Variants in PCDHA2 observed in about 807,000 individuals in gnomAD.
The protein encoded by PCDHA2 is protocadherin alpha 2, also known as protocadherin alpha-2.
PCDHA2 carries 58 observed loss-of-function variants against 66.0 expected under a neutral mutation model. The ratio of observed to expected loss-of-function variants is 0.88; its 90% CI spans 0.71 to 1.09. The LOEUF is 1.09. PCDHA2 is among the 50% of genes least tolerant of loss of function. PCDHA2 has a pLI of 0.00. For missense variants in PCDHA2, 1,267 were observed against 1,242.3 expected (o/e 1.02, Z -0.30); for synonymous variants, 634 against 554.0 (o/e 1.14, Z -2.03).
intron 1 of PCDHA2, chr5:140,805,621 ATGTAT>A: frequency 1.1e-6 from 1 of 916,950 alleles, no homozygotes; most frequent in East Asian, 1.2e-4. Flanking sequence ...ATGTAAGAAA[ATGTAT>A]TGTGGTTTAT....
At chr5:141,004,391 G>A (rs62384511) in intron 3 of PCDHA2, among the ~76,000 whole-genome samples, 4 of 152,342 alleles carry the variant, frequency 2.6e-5, no homozygotes, top group East Asian at 3.9e-4. Flanking sequence ...AGCTGGACAT[G>A]TGGAGGAGGC....
At chr5:140,946,976 G>A (rs2094064804) in intron 1 of PCDHA2, among the ~76,000 whole-genome samples, 1 of 151,532 alleles carries the variant, frequency 6.6e-6, no homozygotes, top group Admixed American at 6.6e-5. Context: ...ATAGAATAGA[G>A]GATTTTGAGT....
At chr5:140,856,365 A>G in intron 1 of PCDHA2, 1 of 1,598,426 alleles carries the variant, frequency 6.3e-7, no homozygotes, top group Non-Finnish European at 8.6e-7. Flanking sequence ...ATCCACCTGG[A>G]GGTGATCGTG....
At chr5:140,925,523 A>G (rs2082536331) in intron 1 of PCDHA2, among the ~76,000 whole-genome samples, 1 of 152,138 alleles carries the variant, frequency 6.6e-6, no homozygotes, top group African/African-American at 2.4e-5. Flanking sequence ...ACCAAATTAA[A>G]AGCGAGGAGA....
Position 140,857,332 on chromosome 5 carries a change from C to T in PCDHA2, c.2388+59980C>T, listed in dbSNP as rs782461373. The stretch of plus-strand genomic sequence containing the variant: ...ATGAGCTGGTGGTGACCGCGCGGGA[C>T]GGGGGCTCGCCTCCGCTGTGGGCCA... On this transcript the variant is annotated intron_variant, in intron 1 of 3. Transcript: ENST00000526136. The T allele has an allele frequency of 1.9e-5, 30 of 1,598,216 alleles. No homozygotes were observed. In the South Asian group the frequency reaches 2.0e-4, roughly 11 times the overall value.
chr5:140,834,978 CTT>C (rs1344020761), intron 1 of PCDHA2: 1 of 1,479,296 alleles, frequency 6.8e-7, no homozygotes, highest in Non-Finnish European at 9.1e-7. Flanking sequence ...ATTACGGAAA[CTT>C]TTAGACAGAG....
At chr5:140,869,920 G>GTC in intron 1 of PCDHA2, 1 of 1,611,398 alleles carries the variant, frequency 6.2e-7, no homozygotes, top group Non-Finnish European at 8.5e-7. Context: ...AGACGAAGGA[G>GTC]TCAATGGAGA....
chr5:140,928,480 G>A, intron 1 of PCDHA2: 2 of 1,614,146 alleles, frequency 1.2e-6, no homozygotes, highest in Non-Finnish European at 1.7e-6. Flanking sequence ...AGGCCGGGAT[G>A]GTGGCATTCC....
intron 1 of PCDHA2, chr5:140,848,966 G>C (rs2150427042): frequency 1.9e-5 from 31 of 1,605,602 alleles, no homozygotes; most frequent in Non-Finnish European, 2.6e-5. Flanking sequence ...TAGAGGGCGC[G>C]TCCGATGCAG....
At chr5:140,860,539 A>C (rs1017009247) in intron 1 of PCDHA2, 4 of 152,206 alleles carry the variant, frequency 2.6e-5, no homozygotes, top group African/African-American at 7.2e-5. Flanking sequence ...TTTGTAAGAC[A>C]AACCCACCTT....
At chr5:140,902,854 C>T (rs186872091) in intron 1 of PCDHA2, among the ~76,000 whole-genome samples, 154 of 152,240 alleles carry the variant, frequency 1.0e-3, no homozygotes, top group Middle Eastern at 3.4e-3. Flanking sequence ...AGAAAAATGG[C>T]GTCCAGGTCC....
rs1554228572 is a variant in PCDHA2 at position 140,966,716 on chromosome 5, G to A, written c.2389-12233G>A. On this transcript the variant is annotated intron_variant, in intron 1 of 3. Transcript: ENST00000526136. Reference sequence around the variant, plus strand: ...GGCCCGGGCGTGGGGCACGGCTGGGGAAGCTGCCGCCTCCGGCCCTGCCCG... The same window carrying A: ...GGCCCGGGCGTGGGGCACGGCTGGGAAAGCTGCCGCCTCCGGCCCTGCCCG... The A allele has an allele frequency of 2.3e-5, 32 of 1,394,682 alleles. No homozygotes were observed. The South Asian group carries it at 5.0e-4, about 22-fold the overall frequency. The allele number at this position is 1,394,682 out of a possible 1,614,324, so 86.4% of individuals were successfully genotyped here. A position where few individuals can be genotyped will look rare whatever the true frequency, so the allele number is the denominator to read the frequency against.
chr5:141,001,559 G>A (rs1277713814), intron 3 of PCDHA2, among the ~76,000 whole-genome samples: 1 of 152,190 alleles, frequency 6.6e-6, no homozygotes, highest in Non-Finnish European at 1.5e-5. Context: ...TTCAGACCAC[G>A]ATTCTCCTGT....
At chr5:140,804,939 G>T in intron 1 of PCDHA2, 4 of 1,173,494 alleles carry the variant, frequency 3.4e-6, no homozygotes, top group South Asian at 2.0e-5. Flanking sequence ...ATCCTTTGTT[G>T]CTCCCTTGTC....
intron 1 of PCDHA2, chr5:140,808,781 C>T: frequency 6.2e-7 from 1 of 1,612,564 alleles, no homozygotes; most frequent in Non-Finnish European, 8.5e-7. Context: ...AGAGCTGCTG[C>T]AGTTTCAGGT....
At chr5:140,842,204 A>T (rs2150331715) in intron 1 of PCDHA2, 1 of 1,613,676 alleles carries the variant, frequency 6.2e-7, no homozygotes, top group Non-Finnish European at 8.5e-7. Context: ...CCACTTTAGC[A>T]TAGATCGAAA....
chr5:140,858,007 T>C lies in PCDHA2; in HGVS notation c.2388+60655T>C, dbSNP rs1383838363. 3.1e-6 allele frequency: 5 copies of C among 1,596,728 alleles called. 1 individual carries two copies. Among genetic ancestry groups the C allele is most frequent in the Admixed American group, 1.7e-5 (1 of 59,162 alleles). On this transcript the variant is annotated intron_variant, in intron 1 of 3. Coordinates refer to ENST00000526136, the MANE Select transcript of PCDHA2 (RefSeq NM_018905.3). ...GCCTACTGGTGCTGGTGAAGGACCA[T>C]GGCGAGCCGTCGCTGACGGCCACGG... is the stretch of plus-strand genomic sequence containing the variant.
At chr5:140,908,078 A>G (rs1047293736) in intron 1 of PCDHA2, among the ~76,000 whole-genome samples, 2 of 152,202 alleles carry the variant, frequency 1.3e-5, no homozygotes, top group Admixed American at 6.5e-5. Context: ...AAAGTGCACA[A>G]CCAGGTGCAC....
At chr5:140,852,612 C>A (rs1177069451) in intron 1 of PCDHA2, 1 of 914,612 alleles carries the variant, frequency 1.1e-6, no homozygotes, top group Non-Finnish European at 1.3e-6. Flanking sequence ...TCTTTCAAAA[C>A]TTGAGTGGTC....
Sources: gnomAD v4.1 joint callset for allele counts (sites outside exome capture counted in the v4.1 genomes callset) on GRCh38, gnomAD v4.1.1 for gene constraint, MANE v1.5 for transcripts, NCBI Gene and HGNC (gene_info 2026-07-23, HGNC 2026-07-21) for gene names.